The following CNTN1 variants were observed in gnomAD, a reference collection of about 807,000 sequenced individuals.
The protein encoded by CNTN1 is contactin-1.
CNTN1 carries 38 observed loss-of-function variants against 126.4 expected under a neutral mutation model. That is an observed-to-expected ratio of 0.30 (90% CI 0.23 to 0.39). CNTN1 has a LOEUF of 0.39. Among genes scored for constraint, CNTN1 ranks in the 10% least tolerant of loss-of-function variants. The pLI is 1.00. For missense variants in CNTN1, 1,009 were observed against 1,248.4 expected (o/e 0.81, Z 2.89); for synonymous variants, 413 against 422.6 (o/e 0.98, Z 0.28).
At chr12:40,982,475 T>C (rs1947845144) in intron 16 of CNTN1, among the ~76,000 whole-genome samples, 1 of 152,204 alleles carries the variant, frequency 6.6e-6, no homozygotes, top group African/African-American at 2.4e-5. Flanking sequence ...TCATTATTTA[T>C]GTATGCTTAC....
At chr12:40,899,166 T>G (rs1043347738) in intron 1 of CNTN1, among the ~76,000 whole-genome samples, 9 of 152,220 alleles carry the variant, frequency 5.9e-5, no homozygotes, top group Non-Finnish European at 1.2e-4. Context: ...AGTTTGAACA[T>G]TCTATCCTGC....
rs1314721368 is a variant in CNTN1 at position 40,802,767 on chromosome 12, GC to G, written c.-76-105588del. Among the ~76,000 whole-genome samples, 3 of 151,948 alleles carry G rather than the reference GC, an allele frequency of 2.0e-5. No homozygotes were observed. The East Asian group carries it at 5.8e-4, about 29-fold the overall frequency. On this transcript the variant is annotated intron_variant, in intron 1 of 23. Coordinates refer to ENST00000551295, the MANE Select transcript of CNTN1 (RefSeq NM_001843.4). ...CCAGACACTTTTCTGCTAAAGCTTTGCCTATCTTTTCAAAACACTCTCATAA... is the reference window on the plus strand; with the variant it reads ...CCAGACACTTTTCTGCTAAAGCTTTGCTATCTTTTCAAAACACTCTCATAA...
At position 41,025,252 on chromosome 12, in the gene CNTN1, C is replaced by G. The variant is rs777846543; in HGVS notation, c.2626C>G (p.Gln876Glu). 5 of 1,613,830 alleles carry G rather than the reference C, an allele frequency of 3.1e-6. No homozygotes were observed. The highest frequency in any genetic ancestry group is 1.3e-5 in the African/African-American group (1 of 74,912). ...GCTCGAGAACCTTCTGCCAGACACC[C>G]AGTATTTTATAGAAGTCGGGGCCTG... is the stretch of plus-strand genomic sequence containing the variant. Reference protein sequence around the residue: ...ARLENLLPDTQYFIEVGACNS... With the variant: ...ARLENLLPDTEYFIEVGACNS... Residue 876 changes from glutamine to glutamate, a missense_variant, in exon 21 of 24, where the codon CAG becomes GAG. Coordinates refer to ENST00000551295, the MANE Select transcript of CNTN1 (RefSeq NM_001843.4).
chr12:41,036,415 C>CT (rs1256738433), intron 23 of CNTN1, among the ~76,000 whole-genome samples: 3 of 152,058 alleles, frequency 2.0e-5, no homozygotes, highest in Non-Finnish European at 4.4e-5. Flanking sequence ...TCAAGACTAA[C>CT]TTAGAGAACC....
At chr12:40,759,773 TA>T (rs1309222111) in intron 1 of CNTN1, among the ~76,000 whole-genome samples, 2 of 131,978 alleles carry the variant, frequency 1.5e-5, no homozygotes, top group Non-Finnish European at 3.3e-5. Context: ...TTGGCCCAGA[TA>T]TTTTTTTTTT....
intron 14 of CNTN1, among the ~76,000 whole-genome samples, chr12:40,955,582 A>T (rs376545966): frequency 1.3e-5 from 2 of 152,128 alleles, no homozygotes; most frequent in Non-Finnish European, 2.9e-5. Context: ...AAGAATGTCT[A>T]TTTAATAAAA....
chr12:41,027,205 T>C (rs1157519326), intron 21 of CNTN1, among the ~76,000 whole-genome samples: 1 of 152,138 alleles, frequency 6.6e-6, no homozygotes, highest in African/African-American at 2.4e-5. Flanking sequence ...CAGAGAGACC[T>C]ATAGCCACAT....
At chr12:40,773,674 C>CAA in intron 1 of CNTN1, among the ~76,000 whole-genome samples, 1 of 9,788 alleles carries the variant, frequency 1.0e-4, no homozygotes, top group African/African-American at 2.2e-4. Context: ...TATATATATA[C>CAA]ACATATATAT....
intron 23 of CNTN1, among the ~76,000 whole-genome samples, chr12:41,058,025 TG>T (rs1779422294): frequency 6.6e-6 from 1 of 152,036 alleles, no homozygotes; most frequent in South Asian, 2.1e-4. Flanking sequence ...TGCAGGAGGA[TG>T]GACAATTTTT....
chr12:41,054,873 T>C (rs896811932), intron 23 of CNTN1, among the ~76,000 whole-genome samples: 4 of 152,288 alleles, frequency 2.6e-5, no homozygotes, highest in East Asian at 3.9e-4. Flanking sequence ...TCTACACAGC[T>C]CTGCTGCATG....
In CNTN1 at chr12:40,931,875, T is replaced by G. The variant is rs923226455; in HGVS notation, c.704-1586T>G. The stretch of plus-strand genomic sequence containing the variant: ...CCTTTAATCTACACCTTGAGAAACA[T>G]TGATCCAAGGAGCCGTCCTGTTGAT... On this transcript the variant is annotated intron_variant, in intron 7 of 23. Transcript: ENST00000551295. Among the ~76,000 whole-genome samples the G allele has an allele frequency of 1.3e-5, 2 of 151,962 alleles. 1 individual carries two copies. Among genetic ancestry groups the G allele is most frequent in the South Asian group, 4.1e-4 (2 of 4,824 alleles).
At chr12:40,911,501 C>T (rs1945035673) in intron 3 of CNTN1, among the ~76,000 whole-genome samples, 1 of 152,200 alleles carries the variant, frequency 6.6e-6, no homozygotes, top group Non-Finnish European at 1.5e-5. Flanking sequence ...TTAAAAATAG[C>T]CTATGGCTGC....
At chr12:40,763,384 T>G (rs1233772298) in intron 1 of CNTN1, among the ~76,000 whole-genome samples, 1 of 152,194 alleles carries the variant, frequency 6.6e-6, no homozygotes. Context: ...TGGAGGAATT[T>G]AAGGGGAGAT....
chr12:40,781,695 A>T (rs1939810813), intron 1 of CNTN1, among the ~76,000 whole-genome samples: 1 of 151,982 alleles, frequency 6.6e-6, no homozygotes, highest in African/African-American at 2.4e-5. Flanking sequence ...GAACATAAAA[A>T]CCCAAAAGCA....
chr12:40,934,084 C>T (rs888790047), intron 9 of CNTN1, among the ~76,000 whole-genome samples: 2 of 151,966 alleles, frequency 1.3e-5, no homozygotes, highest in Non-Finnish European at 2.9e-5. Flanking sequence ...ACCAGTTGAA[C>T]CATAGGTAAT....
intron 23 of CNTN1, among the ~76,000 whole-genome samples, chr12:41,068,583 T>C (rs1368478968): frequency 6.6e-6 from 1 of 151,976 alleles, no homozygotes; most frequent in Non-Finnish European, 1.5e-5. Flanking sequence ...TCTTCCACCT[T>C]ATAGGGAACA....
intron 2 of CNTN1, among the ~76,000 whole-genome samples, 165 bp from the exon 3 acceptor site, chr12:40,909,908 G>C (rs2136816801): frequency 6.6e-6 from 1 of 152,096 alleles, no homozygotes; most frequent in East Asian, 1.9e-4. Flanking sequence ...TCAATGTAAA[G>C]ATAAGAAATA....
At chr12:40,962,939 A>G (rs1434602741) in intron 15 of CNTN1, among the ~76,000 whole-genome samples, 4 of 152,124 alleles carry the variant, frequency 2.6e-5, no homozygotes, top group African/African-American at 4.8e-5. Context: ...TGCAAGAGTA[A>G]CATTTCTTCA....
At chr12:40,902,848 A>G (rs1944657519) in intron 1 of CNTN1, among the ~76,000 whole-genome samples, 1 of 152,148 alleles carries the variant, frequency 6.6e-6, no homozygotes, top group African/African-American at 2.4e-5. Context: ...AGCTAGATGG[A>G]GGTCTGTCCA....
Sources: allele counts gnomAD v4.1 joint callset (sites outside exome capture counted in the v4.1 genomes callset), GRCh38; gene constraint gnomAD v4.1.1; transcripts MANE v1.5; gene names NCBI Gene and HGNC (gene_info 2026-07-23, HGNC 2026-07-21).